Variants in TRPC1 observed in about 807,000 individuals in gnomAD.
TRPC1 encodes short transient receptor potential channel 1.
TRPC1 carries 42 observed loss-of-function variants against 88.2 expected under a neutral mutation model. The observed-to-expected ratio is 0.48, with a 90% CI of 0.37 to 0.62. The LOEUF (loss-of-function observed/expected upper bound fraction) is 0.62. Ranked by LOEUF, TRPC1 falls within the 20% of genes least tolerant of loss-of-function variation. The pLI, the probability that TRPC1 is intolerant of heterozygous loss-of-function variation, is 0.00. For synonymous variants in TRPC1, 288 were observed against 331.8 expected (o/e 0.87, Z 1.43); for missense variants, 699 against 957.3 (o/e 0.73, Z 3.56).
At chr3:142,733,761 T>C (rs757066672) in intron 1 of TRPC1, among the ~76,000 whole-genome samples, 5 of 152,162 alleles carry the variant, frequency 3.3e-5, no homozygotes, top group Admixed American at 1.3e-4. Context: ...AGCTAAAATA[T>C]AATGAACATC....
Position 142,763,983 on chromosome 3 carries a change from T to TATACACAC in TRPC1, c.633-13648_633-13647insTACACACA, listed in dbSNP as rs1441314374. ...AAATATATATATATATATATATATA[T>TATACACAC]ACACATACATACATACATATATATA... On this transcript the variant is annotated intron_variant, in intron 4 of 12. Coordinates refer to ENST00000476941, the MANE Select transcript of TRPC1 (RefSeq NM_001251845.2). Among the ~76,000 whole-genome samples, 2 of 74,352 alleles carry TATACACAC rather than the reference T, an allele frequency of 2.7e-5. 1 individual carries two copies. The highest frequency in any genetic ancestry group is 5.3e-5 in the Non-Finnish European group (2 of 37,956). The allele number at this position is 74,352 out of a possible 152,430, so 48.8% of individuals were successfully genotyped here. A position where few individuals can be genotyped will look rare whatever the true frequency, so the allele number is the denominator to read the frequency against.
rs1424424328 is a variant in TRPC1, at chr3:142,724,637, C to G, written c.78C>G (p.Ser26=). ...SSSLPSSPSS[S]SPNEVMALKD... The stretch of plus-strand genomic sequence containing the variant: ...CCCTGCCTTCCTCTCCATCCTCTTC[C>G]TCGCCGAACGAGGTGATGGCGCTGA... Residue 26 remains serine, a synonymous_variant, in exon 1 of 13, where the codon TCC becomes TCG. Coordinates refer to ENST00000476941, the MANE Select transcript of TRPC1 (RefSeq NM_001251845.2). The surrounding 1 kb of genome is among the most constrained non-coding windows in gnomAD (Gnocchi z 5.6). 1 of 1,613,022 alleles carries G rather than the reference C, an allele frequency of 6.2e-7. No homozygotes were observed. Among genetic ancestry groups the G allele is most frequent in the African/African-American group, 1.3e-5 (1 of 74,858 alleles).
intron 7 of TRPC1, chr3:142,785,284 ATTAT>A (rs1936096033): frequency 3.0e-6 from 1 of 330,998 alleles, no homozygotes; most frequent in Non-Finnish European, 5.4e-6. Context: ...GAATTTTAAA[ATTAT>A]TTATTCTCAG....
At chr3:142,759,724 G>A (rs548029991) in intron 4 of TRPC1, among the ~76,000 whole-genome samples, 51 of 152,160 alleles carry the variant, frequency 3.4e-4, no homozygotes, top group African/African-American at 1.1e-3. Flanking sequence ...TTTTGTTGCC[G>A]TTGCTTTTGG....
intron 5 of TRPC1, among the ~76,000 whole-genome samples, chr3:142,780,342 G>A (rs1030731406): frequency 3.3e-5 from 5 of 151,986 alleles, no homozygotes; most frequent in Non-Finnish European, 7.4e-5. Context: ...CTTTAAATAT[G>A]AATCAAAATG....
At chr3:142,750,532 A>G (rs1404569741) in intron 4 of TRPC1, among the ~76,000 whole-genome samples, 1 of 152,246 alleles carries the variant, frequency 6.6e-6, no homozygotes, top group East Asian at 1.9e-4. Flanking sequence ...CTAGAACCAG[A>G]AATACCATTT....
chr3:142,745,797 G>T (rs529075157), intron 3 of TRPC1, among the ~76,000 whole-genome samples: 25 of 151,476 alleles, frequency 1.7e-4, no homozygotes, highest in African/African-American at 4.1e-4. Context: ...TTGTTTTGTT[G>T]TCCAGGCTGC....
intron 4 of TRPC1, among the ~76,000 whole-genome samples, chr3:142,751,916 T>A (rs982146377): frequency 2.0e-5 from 3 of 152,216 alleles, no homozygotes; most frequent in Non-Finnish European, 4.4e-5. Flanking sequence ...TTCTCTTTGA[T>A]AAGATCTGGT....
chr3:142,784,188 A>G (rs973964113), intron 6 of TRPC1, among the ~76,000 whole-genome samples: 6 of 152,130 alleles, frequency 3.9e-5, no homozygotes, highest in African/African-American at 1.4e-4. Context: ...CTCTAGACTG[A>G]AGATGTCCAA....
chr3:142,777,631 G>A lies in TRPC1; in HGVS notation c.633-1G>A. 6.4e-7 allele frequency: 1 copy of A among 1,573,768 alleles called. No homozygotes were observed. Among genetic ancestry groups the A allele is most frequent in the Non-Finnish European group, 8.6e-7 (1 of 1,158,844 alleles). On this transcript the variant is annotated splice_acceptor_variant, in intron 4 of 12. Transcript: ENST00000476941. LOFTEE classifies it high-confidence loss of function. ...CATTATGGAATCCAATTTTATCACA[G>A]GTTTCGTCTTGATATATATCGATGT...
At chr3:142,742,674 T>G (rs1934398052) in intron 2 of TRPC1, among the ~76,000 whole-genome samples, 1 of 152,230 alleles carries the variant, frequency 6.6e-6, no homozygotes, top group Non-Finnish European at 1.5e-5. Flanking sequence ...GGCATTTTCT[T>G]AGATTAAATC....
At position 142,748,253 on chromosome 3, in the gene TRPC1, T is replaced by C; in HGVS notation, c.430-5T>C. On this transcript the variant is annotated splice_region_variant and splice_polypyrimidine_tract_variant and intron_variant, in intron 3 of 12. Coordinates refer to ENST00000476941, the MANE Select transcript of TRPC1 (RefSeq NM_001251845.2). ...ACTTTGGACATTTATATAAATATTT[T>C]TCAGAAACTAATGGAACGAATTCAG... is the stretch of plus-strand genomic sequence containing the variant. 1 of 1,609,096 alleles carries C rather than the reference T, an allele frequency of 6.2e-7. No individual in the cohort carries two copies. Among genetic ancestry groups the C allele is most frequent in the Non-Finnish European group, 8.5e-7 (1 of 1,176,212 alleles).
intron 9 of TRPC1, chr3:142,794,062 A>G (rs912843232): frequency 1.1e-5 from 2 of 187,272 alleles, no homozygotes; most frequent in Non-Finnish European, 2.0e-5. Context: ...ACCTTGTTCA[A>G]ATCATCATTA....
chr3:142,731,530 G>GC (rs1200817109), intron 1 of TRPC1, among the ~76,000 whole-genome samples: 1 of 151,430 alleles, frequency 6.6e-6, no homozygotes, highest in Admixed American at 6.6e-5. Flanking sequence ...GACTACAGGT[G>GC]CCCCCCACCA....
chr3:142,792,633 CACAT>C lies in TRPC1; in HGVS notation c.1438-185_1438-182del, dbSNP rs1431647340. Reference sequence around the variant, plus strand: ...CTCTTCATATAGAGTGATAATGCCTCACATACATAATAATATTTTATTTCATTAA... The same window carrying C: ...CTCTTCATATAGAGTGATAATGCCTCACATAATAATATTTTATTTCATTAA... On this transcript the variant is annotated intron_variant, in intron 8 of 12. Coordinates refer to ENST00000476941, the MANE Select transcript of TRPC1 (RefSeq NM_001251845.2). This position sits in a 1 kb window ranked among gnomAD's most constrained non-coding sequence, Gnocchi z 4.0. Among the ~76,000 whole-genome samples the C allele has an allele frequency of 6.6e-6, 1 of 151,764 alleles. No homozygotes were observed. Among genetic ancestry groups the C allele is most frequent in the Non-Finnish European group, 1.5e-5 (1 of 67,900 alleles).
intron 9 of TRPC1, 88 bp downstream of exon 9, chr3:142,793,055 A>C: frequency 1.6e-5 from 18 of 1,158,022 alleles, no homozygotes; most frequent in Non-Finnish European, 1.8e-5. Flanking sequence ...CTGTTCTCTC[A>C]TGATATTAAA....
intron 1 of TRPC1, among the ~76,000 whole-genome samples, chr3:142,735,756 T>A (rs1298566591): frequency 6.6e-6 from 1 of 152,030 alleles, no homozygotes; most frequent in Non-Finnish European, 1.5e-5. Flanking sequence ...TTTAATCTAA[T>A]CAGCTTCATT....
chr3:142,756,053 T>C (rs1218947316), intron 4 of TRPC1, among the ~76,000 whole-genome samples: 6 of 152,236 alleles, frequency 3.9e-5, no homozygotes, highest in African/African-American at 1.4e-4. Flanking sequence ...CATAATATTT[T>C]TGAGGTCCAT....
At chr3:142,729,395 A>G (rs1933807786) in intron 1 of TRPC1, among the ~76,000 whole-genome samples, 1 of 152,216 alleles carries the variant, frequency 6.6e-6, no homozygotes, top group South Asian at 2.1e-4. Flanking sequence ...TTTAATGGAG[A>G]TGCTCTCTTG....
Sources: allele counts gnomAD v4.1 joint callset (sites outside exome capture counted in the v4.1 genomes callset), GRCh38; gene constraint gnomAD v4.1.1; non-coding constraint Gnocchi (gnomAD v3.1); transcripts MANE v1.5; gene names NCBI Gene and HGNC (gene_info 2026-07-23, HGNC 2026-07-21).